The following SORCS2 variants were observed in gnomAD, a reference collection of about 807,000 sequenced individuals.
The protein encoded by SORCS2 is VPS10 domain-containing receptor SorCS2.
A neutral mutation model predicts 141.6 loss-of-function variants in SORCS2; 100 were observed. The ratio of observed to expected loss-of-function variants is 0.71; its 90% CI spans 0.60 to 0.83. The LOEUF (loss-of-function observed/expected upper bound fraction) is 0.83, where lower values mean the gene tolerates loss of function less well. Ranked by LOEUF, SORCS2 falls within the 40% of genes least tolerant of loss-of-function variation. The pLI is 0.00. For missense variants in SORCS2, 1,646 were observed against 1,560.2 expected (o/e 1.05, Z -0.93); for synonymous variants, 789 against 676.9 (o/e 1.17, Z -2.57).
chr4:7,531,738 G>C (rs1306284942), intron 3 of SORCS2, 109 bp downstream of exon 3: 1 of 1,104,238 alleles, frequency 9.1e-7, no homozygotes, highest in East Asian at 2.6e-5. Flanking sequence ...TTTGGCCCAG[G>C]CCGGAGTGTG....
At chr4:7,606,254 G>T (rs556343936) in intron 3 of SORCS2, among the ~76,000 whole-genome samples, 1 of 152,264 alleles carries the variant, frequency 6.6e-6, no homozygotes, top group African/African-American at 2.4e-5. Context: ...ATAACAATTT[G>T]CTCTTTACAA....
chr4:7,632,170 G>A (rs1318141938), intron 3 of SORCS2, among the ~76,000 whole-genome samples: 1 of 152,154 alleles, frequency 6.6e-6, no homozygotes, highest in Non-Finnish European at 1.5e-5. Context: ...ACCATTTGCT[G>A]GTCCCCGTAA....
intron 2 of SORCS2, among the ~76,000 whole-genome samples, chr4:7,410,948 C>CTT (rs1560262247): frequency 1.4e-4 from 13 of 94,582 alleles, no homozygotes; most frequent in African/African-American, 4.9e-4. Context: ...TTCTCTCCAT[C>CTT]CTTTTTTTTT....
intron 2 of SORCS2, among the ~76,000 whole-genome samples, chr4:7,443,072 T>C (rs1727779429): frequency 6.6e-6 from 1 of 152,246 alleles, no homozygotes; most frequent in African/African-American, 2.4e-5. Context: ...AGAATACCAG[T>C]CATTGGATTT....
At chr4:7,207,787 C>T (rs984073946) in intron 1 of SORCS2, among the ~76,000 whole-genome samples, 1 of 152,200 alleles carries the variant, frequency 6.6e-6, no homozygotes, top group Non-Finnish European at 1.5e-5. Context: ...ATTTCATGAA[C>T]ATTCAGCGAC....
At chr4:7,283,331 A>C (rs572900958) in intron 1 of SORCS2, among the ~76,000 whole-genome samples, 1 of 152,302 alleles carries the variant, frequency 6.6e-6, no homozygotes, top group South Asian at 2.1e-4. Flanking sequence ...ACGTGAATGT[A>C]GGCAGTTCTT....
intron 3 of SORCS2, among the ~76,000 whole-genome samples, chr4:7,625,544 G>A (rs547577971): frequency 6.6e-6 from 1 of 152,018 alleles, no homozygotes; most frequent in African/African-American, 2.4e-5. Flanking sequence ...GGAGCCAGAA[G>A]CCACTGGTAC....
intron 2 of SORCS2, among the ~76,000 whole-genome samples, chr4:7,511,664 G>A (rs1033567172): frequency 1.3e-5 from 2 of 152,148 alleles, no homozygotes; most frequent in Non-Finnish European, 2.9e-5. Context: ...GTACCTCTGG[G>A]GGCTGGGGAC....
intron 1 of SORCS2, among the ~76,000 whole-genome samples, chr4:7,330,645 G>T (rs1006323751): frequency 3.3e-5 from 5 of 152,090 alleles, no homozygotes; most frequent in Admixed American, 2.0e-4. Flanking sequence ...ATTTAGAAGT[G>T]AAAGTCAATG....
intron 3 of SORCS2, among the ~76,000 whole-genome samples, chr4:7,589,010 A>G (rs549052742): frequency 1.4e-4 from 21 of 152,338 alleles, no homozygotes; most frequent in African/African-American, 4.1e-4. Flanking sequence ...CAGCATGTGC[A>G]GAGACACAGC....
intron 1 of SORCS2, among the ~76,000 whole-genome samples, chr4:7,215,561 C>T (rs1037186100): frequency 1.4e-4 from 22 of 152,372 alleles, no homozygotes; most frequent in African/African-American, 2.6e-4. Context: ...AGCCCCGGTG[C>T]GGGATCCACT....
intron 1 of SORCS2, 71 bp from the exon 2 acceptor site, chr4:7,396,217 G>A (rs1724204260): frequency 4.1e-6 from 6 of 1,463,128 alleles, no homozygotes; most frequent in Non-Finnish European, 4.7e-6. Flanking sequence ...ACGGAGTGGT[G>A]TCACTGTACC....
chr4:7,227,847 C>T (rs568889335), intron 1 of SORCS2, among the ~76,000 whole-genome samples: 32 of 152,240 alleles, frequency 2.1e-4, no homozygotes, highest in African/African-American at 7.0e-4. Context: ...TTGGGGTTTT[C>T]CTAGAGGAGG....
At chr4:7,346,011 G>A (rs1285189687) in intron 1 of SORCS2, among the ~76,000 whole-genome samples, 1 of 152,048 alleles carries the variant, frequency 6.6e-6, no homozygotes, top group Non-Finnish European at 1.5e-5. Context: ...ACCAACTCTT[G>A]GTTCCATTTA....
chr4:7,658,287 ATGAG>A (rs1721936153), intron 5 of SORCS2, among the ~76,000 whole-genome samples: 2 of 148,776 alleles, frequency 1.3e-5, no homozygotes, highest in African/African-American at 5.1e-5. Flanking sequence ...GAGCAAGTGA[ATGAG>A]TGAGTGGGTG....
At chr4:7,414,876 C>T (rs908619637) in intron 2 of SORCS2, among the ~76,000 whole-genome samples, 1 of 152,064 alleles carries the variant, frequency 6.6e-6, no homozygotes, top group Non-Finnish European at 1.5e-5. Context: ...TAATTGCGCT[C>T]CTTTGAAATG....
chr4:7,724,456 AT>A (rs1726911802), intron 19 of SORCS2, among the ~76,000 whole-genome samples: 5 of 82,774 alleles, frequency 6.0e-5, no homozygotes, highest in African/African-American at 1.9e-4. Context: ...GGTGGTGGTG[AT>A]GGTGGTGGTG....
At position 7,379,481 on chromosome 4, in the gene SORCS2, G is replaced by T. The variant is rs1347720248; in HGVS notation, c.481-16807G>T. Among the ~76,000 whole-genome samples the T allele has an allele frequency of 3.3e-5, 5 of 152,248 alleles. No homozygotes were observed. The East Asian group carries it at 9.6e-4, about 29-fold the overall frequency. On this transcript the variant is annotated intron_variant, in intron 1 of 26. Transcript: ENST00000507866. Reference sequence around the variant, plus strand: ...TGTGAGTTGTGCACATGGAAAGGCTGTTGGCTGGGCTGCTGCAATTACAGT... The same window carrying T: ...TGTGAGTTGTGCACATGGAAAGGCTTTTGGCTGGGCTGCTGCAATTACAGT...
intron 2 of SORCS2, among the ~76,000 whole-genome samples, chr4:7,439,526 C>T (rs1264245639): frequency 6.6e-6 from 1 of 152,206 alleles, no homozygotes; most frequent in Non-Finnish European, 1.5e-5. Context: ...AACGCACACC[C>T]TAGTCAAGGG....
Sources: gnomAD v4.1 joint callset for allele counts (sites outside exome capture counted in the v4.1 genomes callset) on GRCh38, gnomAD v4.1.1 for gene constraint, MANE v1.5 for transcripts, NCBI Gene and HGNC (gene_info 2026-07-23, HGNC 2026-07-21) for gene names.